The following RAB27B variants were observed in gnomAD, a reference collection of about 807,000 sequenced individuals.
RAB27B encodes the protein ras-related protein Rab-27B.
Under a neutral mutation model 24.6 loss-of-function variants are expected in RAB27B, and 15 were observed. That is an observed-to-expected ratio of 0.61 (90% CI 0.41 to 0.94). The LOEUF is 0.94. Ranked by LOEUF, RAB27B falls within the 40% of genes least tolerant of loss-of-function variation. The pLI, the probability that RAB27B is intolerant of heterozygous loss-of-function variation, is 0.00. For missense variants in RAB27B, 261 were observed against 266.8 expected (o/e 0.98, Z 0.15); for synonymous variants, 105 against 92.5 (o/e 1.14, Z -0.78).
intron 1 of RAB27B, among the ~76,000 whole-genome samples, chr18:54,830,118 C>T (rs908428040): frequency 6.6e-6 from 1 of 152,078 alleles, no homozygotes; most frequent in Admixed American, 6.5e-5. Context: ...CCACAGTTCC[C>T]CTTTCTCATA....
Position 54,775,307 on chromosome 18 carries a change from C to CT in RAB27B, c.-20+57168dup, listed in dbSNP as rs201467984. Among the ~76,000 whole-genome samples the CT allele has an allele frequency of 9.4e-3, 1,428 of 152,328 alleles. 22 individuals carry two copies. The highest frequency in any genetic ancestry group is 0.033 in the African/African-American group (1,377 of 41,572). The stretch of plus-strand genomic sequence containing the variant: ...GAGCAGCTGCGCTTCAGACCTTATT[C>CT]TTAAATCTGGAATTGATGCCAAATT... On this transcript the variant is annotated intron_variant, in intron 2 of 4. Coordinates refer to the RAB27B transcript ENST00000586570.
intron 1 of RAB27B, among the ~76,000 whole-genome samples, chr18:54,835,092 A>T (rs1334999213): frequency 6.6e-6 from 1 of 151,964 alleles, no homozygotes; most frequent in Non-Finnish European, 1.5e-5. Flanking sequence ...AAAATATATT[A>T]TTTTCATAAA....
intron 1 of RAB27B, among the ~76,000 whole-genome samples, chr18:54,866,109 A>C (rs953420800): frequency 2.0e-5 from 3 of 150,744 alleles, no homozygotes; most frequent in Admixed American, 2.0e-4. Flanking sequence ...AAAAAAACAG[A>C]ATCACTATGA....
intron 2 of RAB27B, among the ~76,000 whole-genome samples, chr18:54,878,928 T>C (rs1912812195): frequency 6.6e-6 from 1 of 152,182 alleles, no homozygotes. Flanking sequence ...TAAAGCACTT[T>C]ACTGTTTTAA....
intron 2 of RAB27B, among the ~76,000 whole-genome samples, chr18:54,743,713 A>G (rs1355361973): frequency 1.3e-5 from 2 of 152,216 alleles, no homozygotes; most frequent in African/African-American, 4.8e-5. Context: ...ATAGGAGGTG[A>G]GATCAGATAC....
At chr18:54,846,938 C>T (rs1911364185) in intron 1 of RAB27B, among the ~76,000 whole-genome samples, 1 of 151,670 alleles carries the variant, frequency 6.6e-6, no homozygotes, top group African/African-American at 2.4e-5. Flanking sequence ...GCAAACTCCA[C>T]CTCCTGGGTT....
At chr18:54,836,812 A>T (rs1300655839) in intron 1 of RAB27B, among the ~76,000 whole-genome samples, 1 of 151,956 alleles carries the variant, frequency 6.6e-6, no homozygotes, top group East Asian at 1.9e-4. Flanking sequence ...TGAAAATAAG[A>T]AATCCAAGAA....
intron 2 of RAB27B, among the ~76,000 whole-genome samples, chr18:54,751,507 T>C (rs937539098): frequency 6.6e-6 from 1 of 152,120 alleles, no homozygotes; most frequent in Non-Finnish European, 1.5e-5. Context: ...TATGAGAAAT[T>C]AAATAGACTT....
intron 2 of RAB27B, among the ~76,000 whole-genome samples, chr18:54,730,225 T>C (rs1427845572): frequency 2.0e-5 from 3 of 152,212 alleles, no homozygotes; most frequent in East Asian, 3.8e-4. Flanking sequence ...GGAAGTGCTC[T>C]TGTGTTTAGT....
intron 2 of RAB27B, among the ~76,000 whole-genome samples, chr18:54,777,783 C>T (rs533806021): frequency 6.6e-6 from 1 of 152,132 alleles, no homozygotes; most frequent in Non-Finnish European, 1.5e-5. Flanking sequence ...TAATAAAAAA[C>T]AAGTTTCTTC....
intron 1 of RAB27B, among the ~76,000 whole-genome samples, chr18:54,832,963 T>C (rs994200437): frequency 5.9e-5 from 9 of 152,138 alleles, no homozygotes; most frequent in African/African-American, 2.2e-4. Flanking sequence ...CCAGAAAAAC[T>C]CATGAGGCTA....
chr18:54,761,884 C>T (rs1035222), intron 2 of RAB27B, among the ~76,000 whole-genome samples: 60,097 of 151,886 alleles, frequency 0.4, 12,254 homozygotes, highest in South Asian at 0.47. Context: ...CCCAGAGTCT[C>T]CTAATGTGAC....
chr18:54,752,657 C>A (rs939547347), intron 2 of RAB27B, among the ~76,000 whole-genome samples: 1 of 152,092 alleles, frequency 6.6e-6, no homozygotes, highest in African/African-American at 2.4e-5. Flanking sequence ...GGAAGGTAGG[C>A]AATTGACTGG....
Position 54,754,215 on chromosome 18 carries a change from A to C in RAB27B, c.-20+36074A>C, listed in dbSNP as rs377758582. ...AGTTCTCATGAGATCTGGTGGTTTT[A>C]TAAGTGGTAGCTCCTCTCTTGTTCT... On this transcript the variant is annotated intron_variant, in intron 2 of 4. Transcript: ENST00000586570. 2.2e-4 allele frequency among the ~76,000 whole-genome samples: 33 copies of C among 152,088 alleles called. 1 individual carries two copies. The highest frequency in any genetic ancestry group is 8.0e-4 in the African/African-American group (33 of 41,408).
At chr18:54,747,028 C>T (rs985021700) in intron 2 of RAB27B, among the ~76,000 whole-genome samples, 2 of 152,120 alleles carry the variant, frequency 1.3e-5, no homozygotes, top group African/African-American at 4.8e-5. Flanking sequence ...TAAAATCAGT[C>T]TCCATGTATC....
chr18:54,894,515 T>G lies in RAB27B; in HGVS notation c.*5102T>G, dbSNP rs1047963287. The G allele has an allele frequency of 3.3e-5, 5 of 152,044 alleles. No homozygotes were observed. Among genetic ancestry groups the G allele is most frequent in the Non-Finnish European group, 7.4e-5 (5 of 67,948 alleles). The allele number at this position is 152,044 out of a possible 1,614,324, so 9.4% of individuals were successfully genotyped here. Reference sequence around the variant, plus strand: ...GAAAAGTAATAACATATGCTTATCTTTATTCTTTTTCCAGGTGATTTTGTT... The same window carrying G: ...GAAAAGTAATAACATATGCTTATCTGTATTCTTTTTCCAGGTGATTTTGTT... On this transcript the variant is annotated 3_prime_UTR_variant, in exon 6 of 6. Coordinates refer to ENST00000262094, the MANE Select transcript of RAB27B (RefSeq NM_004163.4).
chr18:54,799,990 A>G (rs951740816), intron 2 of RAB27B, among the ~76,000 whole-genome samples: 1 of 152,204 alleles, frequency 6.6e-6, no homozygotes, highest in Admixed American at 6.5e-5. Context: ...CCCACCACAC[A>G]GAAACAATCA....
chr18:54,895,106 A>C lies in RAB27B; in HGVS notation c.*5693A>C, dbSNP rs908551160. Reference sequence around the variant, plus strand: ...GTATCTGAAATTATTTTTTAAAAAAATAAATTATCCTGCTTTAGTTAGTGT... The same window carrying C: ...GTATCTGAAATTATTTTTTAAAAAACTAAATTATCCTGCTTTAGTTAGTGT... On this transcript the variant is annotated 3_prime_UTR_variant, in exon 6 of 6. Transcript: ENST00000262094. 2 of 51,912 alleles carry C rather than the reference A, an allele frequency of 3.9e-5. No homozygotes were observed. Among genetic ancestry groups the C allele is most frequent in the African/African-American group, 1.2e-4 (2 of 16,794 alleles). 3.2% of individuals were successfully genotyped at this position (51,912 alleles called of 1,614,324 possible).
At chr18:54,742,728 G>A (rs1910105510) in intron 2 of RAB27B, among the ~76,000 whole-genome samples, 1 of 152,124 alleles carries the variant, frequency 6.6e-6, no homozygotes, top group Non-Finnish European at 1.5e-5. Context: ...GCAAATCCCT[G>A]GAGTCTAACC....
Sources: gnomAD v4.1 joint callset for allele counts (sites outside exome capture counted in the v4.1 genomes callset) on GRCh38, gnomAD v4.1.1 for gene constraint, MANE v1.5 for transcripts, NCBI Gene and HGNC (gene_info 2026-07-23, HGNC 2026-07-21) for gene names.